TNKS: variants seen among roughly 807,000 people sequenced by gnomAD.
The protein encoded by TNKS is poly [ADP-ribose] polymerase tankyrase-1.
In TNKS, 72 loss-of-function variants were observed where a neutral mutation model predicts 135.8. The ratio of observed to expected loss-of-function variants is 0.53; its 90% CI spans 0.44 to 0.64. The LOEUF is 0.64. TNKS is among the 30% of genes least tolerant of loss of function. The pLI, the probability that TNKS is intolerant of heterozygous loss-of-function variation, is 0.00. For synonymous variants in TNKS, 849 were observed against 649.3 expected (o/e 1.31, Z -4.68); for missense variants, 1,769 against 1,674.0 (o/e 1.06, Z -0.99).
At chr8:9,772,875 G>C (rs550555348) in intron 26 of TNKS, among the ~76,000 whole-genome samples, 28 of 138,370 alleles carry the variant, frequency 2.0e-4, no homozygotes, top group Middle Eastern at 3.6e-3. Flanking sequence ...CGTATGTGTG[G>C]GTGTGGGTGT....
intron 1 of TNKS, among the ~76,000 whole-genome samples, chr8:9,577,517 TG>T (rs1463302326): frequency 1.3e-5 from 2 of 152,026 alleles, no homozygotes; most frequent in Non-Finnish European, 2.9e-5. Flanking sequence ...GAAGCAGGCA[TG>T]TCTTATATGG....
intron 5 of TNKS, among the ~76,000 whole-genome samples, chr8:9,689,256 G>T (rs140726311): frequency 6.6e-6 from 1 of 152,170 alleles, no homozygotes; most frequent in Non-Finnish European, 1.5e-5. Context: ...ATTGTGTTAT[G>T]AAAACAAATT....
chr8:9,720,303 GTA>G, intron 11 of TNKS, 69 bp from the exon 12 acceptor site: 1 of 1,301,280 alleles, frequency 7.7e-7, no homozygotes, highest in East Asian at 2.6e-5. Flanking sequence ...TCATAAGAAT[GTA>G]TTTTCTAAGG....
At chr8:9,694,474 T>C (rs1389908639) in intron 5 of TNKS, among the ~76,000 whole-genome samples, 1 of 152,050 alleles carries the variant, frequency 6.6e-6, no homozygotes, top group East Asian at 1.9e-4. Context: ...CAAAAAGTAT[T>C]GTCCAGGCCC....
In TNKS at chr8:9,763,129, A is replaced by AATTT. The variant is rs759470532; in HGVS notation, c.3275-17_3275-14dup. The AATTT allele has an allele frequency of 7.6e-6, 11 of 1,449,976 alleles. No individual in the cohort carries two copies. The African/African-American group carries it at 1.5e-4, about 20-fold the overall frequency. 89.8% of individuals were successfully genotyped at this position (1,449,976 alleles called of 1,614,324 possible). On this transcript the variant is annotated splice_polypyrimidine_tract_variant and intron_variant, in intron 21 of 26. Coordinates refer to ENST00000310430, the MANE Select transcript of TNKS (RefSeq NM_003747.3). ...AGTGTAGACTTTTGTTTTATATGTT[A>AATTT]ATTTTTCTCTCCGACAGGCACCAAT... is the stretch of plus-strand genomic sequence containing the variant.
rs1327138342 is a variant in TNKS, at chr8:9,781,436, G to C, written c.*4700G>C. ...CCCCTCCCAAAGTTCAGGATGAAAG[G>C]CTAGAAAACCCATTCAAAGTTAGGA... On this transcript the variant is annotated 3_prime_UTR_variant, in exon 27 of 27. Transcript: ENST00000310430. 6.6e-6 allele frequency: 1 copy of C among 152,168 alleles called. No homozygotes were observed. The highest frequency in any genetic ancestry group is 1.9e-4 in the East Asian group (1 of 5,198). The allele number at this position is 152,168 out of a possible 1,614,324, so 9.4% of individuals were successfully genotyped here. A position where few individuals can be genotyped will look rare whatever the true frequency, so the allele number is the denominator to read the frequency against.
At chr8:9,762,777 C>T (rs566528825) in intron 21 of TNKS, among the ~76,000 whole-genome samples, 20 of 151,740 alleles carry the variant, frequency 1.3e-4, no homozygotes, top group African/African-American at 2.7e-4. Flanking sequence ...TGGTGGTGGG[C>T]GCCTGTAATC....
chr8:9,565,170 T>C (rs1797477717), intron 1 of TNKS, among the ~76,000 whole-genome samples: 1 of 152,190 alleles, frequency 6.6e-6, no homozygotes. Flanking sequence ...GTTTTGCCAG[T>C]TTGTTCAGGT....
At chr8:9,666,075 C>A (rs1260236564) in intron 3 of TNKS, among the ~76,000 whole-genome samples, 1 of 152,146 alleles carries the variant, frequency 6.6e-6, no homozygotes, top group African/African-American at 2.4e-5. Context: ...CAAATTTGCT[C>A]CTACTGTAGT....
At chr8:9,770,596 G>C (rs1023298626) in intron 26 of TNKS, among the ~76,000 whole-genome samples, 2 of 152,208 alleles carry the variant, frequency 1.3e-5, no homozygotes, top group East Asian at 3.9e-4. Context: ...GCTGCTGTTA[G>C]TGGGTCTTCA....
At chr8:9,718,001 T>C (rs1804691768) in intron 11 of TNKS, among the ~76,000 whole-genome samples, 1 of 96,840 alleles carries the variant, frequency 1.0e-5, no homozygotes, top group Non-Finnish European at 2.2e-5. Context: ...TAAAGGGGTT[T>C]GTTTGTTAAA....
rs556246258 is a variant in TNKS, at chr8:9,781,001, T to A, written c.*4265T>A. 103 of 152,336 alleles carry A rather than the reference T, an allele frequency of 6.8e-4. No individual in the cohort carries two copies. The highest frequency in any genetic ancestry group is 2.4e-3 in the African/African-American group (98 of 41,556). The allele number at this position is 152,336 out of a possible 1,614,324, so 9.4% of individuals were successfully genotyped here. On this transcript the variant is annotated 3_prime_UTR_variant, in exon 27 of 27. Transcript: ENST00000310430. The stretch of plus-strand genomic sequence containing the variant: ...ATGAGTGATATGCAAGCTGTGTTTT[T>A]TAATTGTTTTAAAATGTAAATTATG...
Position 9,767,883 on chromosome 8 carries a change from C to T in TNKS, c.3740+1458C>T, listed in dbSNP as rs566112640. On this transcript the variant is annotated intron_variant, in intron 25 of 26. Transcript: ENST00000310430. ...CTGAGGCAGGAGAATGGTGAGTACC[C>T]AGGAGGCGGAGGTTGCAGTGAGCCG... Among the ~76,000 whole-genome samples, 6 of 148,866 alleles carry T rather than the reference C, an allele frequency of 4.0e-5. No homozygotes were observed. In the East Asian group the frequency reaches 1.2e-3, roughly 30 times the overall value.
At chr8:9,667,999 A>G (rs1439618897) in intron 3 of TNKS, among the ~76,000 whole-genome samples, 1 of 152,152 alleles carries the variant, frequency 6.6e-6, no homozygotes, top group Non-Finnish European at 1.5e-5. Flanking sequence ...GGAGAAAGTG[A>G]TGGAGTTTAG....
chr8:9,629,368 C>G (rs142440984), intron 3 of TNKS, among the ~76,000 whole-genome samples: 1 of 152,314 alleles, frequency 6.6e-6, no homozygotes. Context: ...TAAGTCTGTT[C>G]TCTACATAGC....
At chr8:9,743,298 A>G (rs1806066267) in intron 17 of TNKS, among the ~76,000 whole-genome samples, 1 of 152,176 alleles carries the variant, frequency 6.6e-6, no homozygotes, top group African/African-American at 2.4e-5. Flanking sequence ...TTGGAAGGAA[A>G]ATGGCTCTTG....
At chr8:9,561,931 C>T (rs1046823071) in intron 1 of TNKS, among the ~76,000 whole-genome samples, 1 of 152,158 alleles carries the variant, frequency 6.6e-6, no homozygotes, top group Admixed American at 6.5e-5. Context: ...ATTCTCCTGC[C>T]TCAGCCTCCT....
chr8:9,747,442 C>G (rs1033518322), intron 17 of TNKS, among the ~76,000 whole-genome samples: 1 of 152,110 alleles, frequency 6.6e-6, no homozygotes, highest in Non-Finnish European at 1.5e-5. Context: ...ATTAGCATGT[C>G]TGCTGCTAAC....
At chr8:9,748,279 G>C (rs1341951693) in intron 18 of TNKS, 67 bp downstream of exon 18, 1 of 1,286,416 alleles carries the variant, frequency 7.8e-7, no homozygotes, top group Non-Finnish European at 1.0e-6. Flanking sequence ...AGATTCTCGG[G>C]TTCACCAGCT....
Sources: gnomAD v4.1 joint callset for allele counts (sites outside exome capture counted in the v4.1 genomes callset) on GRCh38, gnomAD v4.1.1 for gene constraint, MANE v1.5 for transcripts, NCBI Gene and HGNC (gene_info 2026-07-23, HGNC 2026-07-21) for gene names.